Variants in ENTPD1 observed in about 807,000 individuals in gnomAD.
ENTPD1 encodes ATP diphosphohydrolase.
In ENTPD1, 33 loss-of-function variants were observed where a neutral mutation model predicts 57.0. The observed-to-expected ratio is 0.58, with a 90% CI of 0.44 to 0.77. The LOEUF is 0.77. Ranked by LOEUF, ENTPD1 falls within the 30% of genes least tolerant of loss-of-function variation. ENTPD1 has a pLI of 0.00. For missense variants in ENTPD1, 501 were observed against 603.4 expected, an observed-to-expected ratio of 0.83 and a Z score of 1.78; for synonymous variants, 202 against 218.8, an observed-to-expected ratio of 0.92 and a Z score of 0.68.
chr10:95,728,001 A>C (rs1486503238), intron 1 of ENTPD1, among the ~76,000 whole-genome samples: 2 of 152,230 alleles, frequency 1.3e-5, no homozygotes, highest in Admixed American at 6.5e-5. Context: ...AAATCCTAAG[A>C]CAACTTCATT....
chr10:95,806,341 TCA>T (rs2098272433), intron 1 of ENTPD1, among the ~76,000 whole-genome samples: 1 of 152,256 alleles, frequency 6.6e-6, no homozygotes, highest in Admixed American at 6.5e-5. Context: ...TTCAGCTCCA[TCA>T]GGTCATTTAA....
intron 1 of ENTPD1, among the ~76,000 whole-genome samples, chr10:95,799,669 G>T (rs192111940): frequency 1.4e-4 from 22 of 152,234 alleles, no homozygotes; most frequent in Admixed American, 1.4e-3. Flanking sequence ...GGGATTTCTG[G>T]GTCAAATGTT....
intron 7 of ENTPD1, among the ~76,000 whole-genome samples, chr10:95,850,975 C>A (rs2098443993): frequency 6.6e-6 from 1 of 152,154 alleles, no homozygotes; most frequent in Non-Finnish European, 1.5e-5. Context: ...TAAAAATTGT[C>A]ATTGCTTTAG....
At position 95,870,177 on chromosome 10, in the gene ENTPD1, T is replaced by G. The variant is rs779980703; in HGVS notation, c.*3794T>G. ...ATGTGAAGGCAGGGATGCCTGTTAT[T>G]CAGTCCAAGATGCATGACAAGAGAC... On this transcript the variant is annotated 3_prime_UTR_variant, in exon 10 of 10. Transcript: ENST00000371205. 2.0e-6 allele frequency: 2 copies of G among 985,486 alleles called. No homozygotes were observed. The highest frequency in any genetic ancestry group is 2.4e-6 in the Non-Finnish European group (2 of 829,946). The allele number at this position is 985,486 out of a possible 1,614,324, so 61.0% of individuals were successfully genotyped here.
intron 1 of ENTPD1, among the ~76,000 whole-genome samples, chr10:95,822,973 C>G (rs1290030510): frequency 6.6e-6 from 1 of 152,218 alleles, no homozygotes; most frequent in Non-Finnish European, 1.5e-5. Context: ...CTTCTCACTC[C>G]TCATTCCATA....
In ENTPD1 at chr10:95,867,072, CA is replaced by C. The variant is rs986822223; in HGVS notation, c.*694del. 133 of 986,926 alleles carry C rather than the reference CA, an allele frequency of 1.3e-4. No individual in the cohort carries two copies. The Middle Eastern group carries it at 3.1e-3, about 23-fold the overall frequency. 61.1% of individuals were successfully genotyped at this position (986,926 alleles called of 1,614,324 possible). A position where few individuals can be genotyped will look rare whatever the true frequency, so the allele number is the denominator to read the frequency against. On this transcript the variant is annotated 3_prime_UTR_variant, in exon 10 of 10. Transcript: ENST00000371205. Reference sequence around the variant, plus strand: ...GTGGAACACTCAGACCTGAGATTTGCAAAAAGCAGATGTAAATATATGCATT... The same window carrying C: ...GTGGAACACTCAGACCTGAGATTTGCAAAAGCAGATGTAAATATATGCATT...
At chr10:95,809,582 C>CAA (rs199555578) in intron 1 of ENTPD1, among the ~76,000 whole-genome samples, 1 of 118,600 alleles carries the variant, frequency 8.4e-6, no homozygotes, top group Non-Finnish European at 1.9e-5. Context: ...GGCGCCCCCC[C>CAA]ACCTCCCAGA....
chr10:95,862,156 A>C (rs544375624), intron 8 of ENTPD1, among the ~76,000 whole-genome samples: 3 of 152,250 alleles, frequency 2.0e-5, no homozygotes, highest in African/African-American at 7.2e-5. Context: ...CCTGGAAGTA[A>C]GCTAAGAAGG....
chr10:95,733,684 G>C (rs2097991639), intron 1 of ENTPD1, among the ~76,000 whole-genome samples: 1 of 152,168 alleles, frequency 6.6e-6, no homozygotes. Flanking sequence ...CTGACTTCCT[G>C]CAACATTCTC....
At chr10:95,736,369 G>A (rs192940031) in intron 1 of ENTPD1, among the ~76,000 whole-genome samples, 22 of 152,058 alleles carry the variant, frequency 1.4e-4, no homozygotes, top group Non-Finnish European at 2.9e-4. Context: ...TTTTGCTTGG[G>A]AATGGTACAT....
At chr10:95,813,377 G>C (rs1480270532) in intron 1 of ENTPD1, among the ~76,000 whole-genome samples, 1 of 152,232 alleles carries the variant, frequency 6.6e-6, no homozygotes, top group Non-Finnish European at 1.5e-5. Context: ...CTTAGGTGGA[G>C]TTTTTGGCCC....
intron 3 of ENTPD1, among the ~76,000 whole-genome samples, chr10:95,840,365 T>C (rs1388943281): frequency 1.3e-5 from 2 of 152,232 alleles, no homozygotes; most frequent in African/African-American, 4.8e-5. Context: ...TGATAATCTG[T>C]ATTTCTAAGA....
chr10:95,872,690 A>C lies in ENTPD1; in HGVS notation c.*6307A>C, dbSNP rs1348157749. ...AGGGATATTATCACGGACCTAAGGT[A>C]ATAGTTCTAGCCAACCTCCCTGTCC... On this transcript the variant is annotated 3_prime_UTR_variant, in exon 10 of 10. Transcript: ENST00000371205. 4.1e-6 allele frequency: 4 copies of C among 985,234 alleles called. No individual in the cohort carries two copies. The African/African-American group carries it at 7.0e-5, about 17-fold the overall frequency. The allele number at this position is 985,234 out of a possible 1,614,324, so 61.0% of individuals were successfully genotyped here.
At chr10:95,861,633 A>G (rs2098465497) in intron 8 of ENTPD1, 2 of 152,282 alleles carry the variant, frequency 1.3e-5, no homozygotes, top group South Asian at 4.1e-4. Flanking sequence ...GCATTTTACA[A>G]AATGCTTAGC....
At chr10:95,695,885 A>G in the ENTPD1 span, among the ~76,000 whole-genome samples, 4 of 152,140 alleles carry the variant, frequency 2.6e-5, no homozygotes, top group Admixed American at 6.5e-5. Flanking sequence ...GAATATTTTT[A>G]GTTTATTTTA....
upstream of ENTPD1, among the ~76,000 whole-genome samples, chr10:95,710,346 A>G (rs1201018376): frequency 2.0e-5 from 3 of 152,192 alleles, no homozygotes; most frequent in Non-Finnish European, 4.4e-5. Flanking sequence ...TGGAGGTTGC[A>G]GTGAGCAGAG....
chr10:95,735,493 G>A (rs1386841825), intron 1 of ENTPD1, among the ~76,000 whole-genome samples: 1 of 152,164 alleles, frequency 6.6e-6, no homozygotes, highest in Non-Finnish European at 1.5e-5. Context: ...TAAGTTATTT[G>A]TAACAGTAGT....
chr10:95,796,413 T>G (rs771369292), intron 1 of ENTPD1, among the ~76,000 whole-genome samples: 94 of 152,172 alleles, frequency 6.2e-4, no homozygotes, highest in Non-Finnish European at 1.1e-3. Context: ...CCTCAATTTC[T>G]TCATAAGGTA....
chr10:95,732,331 G>T (rs1485143451), intron 1 of ENTPD1, among the ~76,000 whole-genome samples: 1 of 152,104 alleles, frequency 6.6e-6, no homozygotes, highest in African/African-American at 2.4e-5. Context: ...CAATTTTTCT[G>T]TAGTGCCAAC....
Sources: allele counts gnomAD v4.1 joint callset (sites outside exome capture counted in the v4.1 genomes callset), GRCh38; gene constraint gnomAD v4.1.1; transcripts MANE v1.5; gene names NCBI Gene and HGNC (gene_info 2026-07-23, HGNC 2026-07-21).